HECTD4: variants seen among roughly 807,000 people sequenced by gnomAD.
HECTD4 encodes the protein probable E3 ubiquitin-protein ligase HECTD4.
Under a neutral mutation model 471.5 loss-of-function variants are expected in HECTD4, and 114 were observed. That is an observed-to-expected ratio of 0.24 (90% CI 0.21 to 0.28). The LOEUF (loss-of-function observed/expected upper bound fraction) is 0.28. Ranked by LOEUF, HECTD4 falls within the 10% of genes least tolerant of loss-of-function variation. The pLI is 1.00. For synonymous variants in HECTD4, 2,012 were observed against 2,256.0 expected (o/e 0.89, Z 3.07); for missense variants, 3,866 against 5,651.5 (o/e 0.68, Z 10.13).
At position 112,165,573 on chromosome 12, in the gene HECTD4, A is replaced by G. The variant is rs547179741; in HGVS notation, c.12535-1298T>C. ...TCACTGTGTTAGCCAGGATGGTCTC[A>G]ATCTCCTGACCTCGTGATCTGCCCA... On this transcript the variant is annotated intron_variant, in intron 72 of 75. Coordinates refer to ENST00000682272, the MANE Select transcript of HECTD4 (RefSeq NM_001388303.1). Among the ~76,000 whole-genome samples, 797 of 150,852 alleles carry G rather than the reference A, an allele frequency of 5.3e-3. 1 individual carries two copies. The highest frequency in any genetic ancestry group is 0.012 in the East Asian group (58 of 4,966).
At chr12:112,186,332 T>A (rs1473703953) in intron 60 of HECTD4, among the ~76,000 whole-genome samples, 1 of 147,582 alleles carries the variant, frequency 6.8e-6, no homozygotes, top group East Asian at 2.0e-4. Flanking sequence ...TTTAATTATT[T>A]TTTTAATAAT....
chr12:112,251,065 C>T lies in HECTD4; in HGVS notation c.3622G>A (p.Ala1208Thr). ...VDLALGLSVL[A>T]CSMLRILYNG... ...TACAGGATTCTTAACATGGAACAAG[C>T]TAACACAGACAGACCTAAAGCCAGG... Residue 1208 changes from alanine to threonine, a missense_variant, in exon 24 of 76, where the codon GCT becomes ACT. This residue lies in a region of HECTD4 where 281 missense variants were observed against 499.9 expected (regional missense o/e 0.56). Transcript: ENST00000682272. 1 of 1,614,026 alleles carries T rather than the reference C, an allele frequency of 6.2e-7. No homozygotes were observed. The highest frequency in any genetic ancestry group is 2.2e-5 in the East Asian group (1 of 44,894).
At chr12:112,236,347 C>G (rs941885770) in intron 35 of HECTD4, among the ~76,000 whole-genome samples, 5 of 152,174 alleles carry the variant, frequency 3.3e-5, no homozygotes, top group Non-Finnish European at 5.9e-5. Context: ...GTAAATAGTT[C>G]TCTTTGGAAT....
intron 1 of HECTD4, among the ~76,000 whole-genome samples, chr12:112,378,158 ACTT>A (rs982951178): frequency 6.6e-6 from 1 of 152,150 alleles, no homozygotes; most frequent in African/African-American, 2.4e-5. Flanking sequence ...ATCTCAGAGA[ACTT>A]CTTTCTAAAA....
At chr12:112,308,445 AAC>A (rs749587704) in intron 6 of HECTD4, among the ~76,000 whole-genome samples, 4 of 147,808 alleles carry the variant, frequency 2.7e-5, no homozygotes, top group East Asian at 3.3e-4. Context: ...CAAAAAAAAA[AAC>A]AAAAACAAAA....
intron 18 of HECTD4, 40 bp downstream of exon 18, chr12:112,261,265 C>T: frequency 6.7e-7 from 1 of 1,501,340 alleles, no homozygotes; most frequent in Non-Finnish European, 9.0e-7. Flanking sequence ...ACTTTTCTTC[C>T]CACAGGGCAG....
chr12:112,216,292 C>A lies in HECTD4; in HGVS notation c.7465G>T (p.Gly2489Cys). The A allele has an allele frequency of 6.5e-7, 1 of 1,545,972 alleles. No individual in the cohort carries two copies. The change falls in exon 48 of 76, where the codon GGT becomes TGT. Residue 2489 changes from glycine (G) to cysteine (C), a missense_variant and splice_region_variant. Transcript: ENST00000682272. ...SVRLDVTLSPGDVAGIGWERT... is the reference protein window; with the variant it reads ...SVRLDVTLSPCDVAGIGWERT... ...GTGGAAAAGCTCCCACTGCACTCAC[C>A]GGGGGAGAGAGTCACGTCTAAGCGA...
At chr12:112,323,717 G>T (rs971489543) in intron 1 of HECTD4, among the ~76,000 whole-genome samples, 1 of 151,850 alleles carries the variant, frequency 6.6e-6, no homozygotes, top group Non-Finnish European at 1.5e-5. Flanking sequence ...GGGGTTGAAG[G>T]AATTGTTCCC....
At chr12:112,341,523 T>C (rs758460086) in intron 1 of HECTD4, among the ~76,000 whole-genome samples, 3 of 152,150 alleles carry the variant, frequency 2.0e-5, no homozygotes, top group Non-Finnish European at 4.4e-5. Context: ...ATCTTGCCCT[T>C]CCTGTCAATT....
intron 39 of HECTD4, 84 bp downstream of exon 39, chr12:112,231,429 T>C (rs912129660): frequency 1.4e-5 from 19 of 1,327,810 alleles, no homozygotes; most frequent in African/African-American, 5.8e-5. Flanking sequence ...AAGGGGATGG[T>C]AGAAAATTAA....
Position 112,216,314 on chromosome 12 carries a change from G to A in HECTD4, c.7443C>T (p.Arg2481=), listed in dbSNP as rs1299372735. 2 of 1,554,978 alleles carry A rather than the reference G, an allele frequency of 1.3e-6. No individual in the cohort carries two copies. The highest frequency in any genetic ancestry group is 8.7e-7 in the Non-Finnish European group (1 of 1,148,554). The change falls in exon 48 of 76, where the codon CGC becomes CGT. Residue 2481 remains arginine, a synonymous_variant. Transcript: ENST00000682272. ...GSSLLQWKSV[R]LDVTLSPGDV... ...CACCGGGGGAGAGAGTCACGTCTAA[G>A]CGAACGCTCTTCCACTGTAACAAAC...
chr12:112,343,793 A>G (rs2036095406), intron 1 of HECTD4, among the ~76,000 whole-genome samples: 1 of 152,138 alleles, frequency 6.6e-6, no homozygotes. Flanking sequence ...AAAAAGTGAA[A>G]TCAACCTAAA....
At chr12:112,227,373 T>A (rs1464681596) in intron 43 of HECTD4, among the ~76,000 whole-genome samples, 1 of 151,910 alleles carries the variant, frequency 6.6e-6, no homozygotes, top group Non-Finnish European at 1.5e-5. Context: ...GGCAGGAGAA[T>A]CGCTTGAACT....
chr12:112,207,287 G>A (rs1223009417), intron 52 of HECTD4, among the ~76,000 whole-genome samples: 2 of 152,176 alleles, frequency 1.3e-5, no homozygotes, highest in East Asian at 3.8e-4. Flanking sequence ...TGGACTACAG[G>A]CGTGTGCCAC....
chr12:112,340,525 T>G (rs1020971308), intron 1 of HECTD4, among the ~76,000 whole-genome samples: 1 of 152,176 alleles, frequency 6.6e-6, no homozygotes, highest in African/African-American at 2.4e-5. Flanking sequence ...TTGTCGCAAG[T>G]ATAGACGAGC....
chr12:112,282,861 GTGA>G (rs989313779), intron 8 of HECTD4, among the ~76,000 whole-genome samples: 12 of 152,186 alleles, frequency 7.9e-5, no homozygotes, highest in African/African-American at 2.9e-4. Flanking sequence ...TATATGAATG[GTGA>G]TGATGATAAG....
At chr12:112,232,543 C>T in intron 38 of HECTD4, among the ~76,000 whole-genome samples, 1 of 152,152 alleles carries the variant, frequency 6.6e-6, no homozygotes, top group East Asian at 1.9e-4. Context: ...ACTAATCTTT[C>T]TTGACTTGTC....
intron 1 of HECTD4, among the ~76,000 whole-genome samples, chr12:112,358,148 G>A (rs2135744917): frequency 1.3e-5 from 2 of 152,274 alleles, no homozygotes; most frequent in East Asian, 3.9e-4. Context: ...AGGTTGCAAT[G>A]AGCCAACATC....
rs1716307148 is a variant in HECTD4, at chr12:112,239,699, T to C, written c.5105+182A>G. ...ACCCTAATGGCTGCATTTAGTCATG[T>C]TGGAACTCAATAATAAGAAATTTAC... On this transcript the variant is annotated intron_variant, in intron 33 of 75. Coordinates refer to ENST00000682272, the MANE Select transcript of HECTD4 (RefSeq NM_001388303.1). This position sits in a 1 kb window ranked among gnomAD's most constrained non-coding sequence, Gnocchi z 4.9. 6.6e-6 allele frequency among the ~76,000 whole-genome samples: 1 copy of C among 152,236 alleles called. No individual in the cohort carries two copies. The highest frequency in any genetic ancestry group is 1.5e-5 in the Non-Finnish European group (1 of 68,036).
Sources: gnomAD v4.1 joint callset for allele counts (sites outside exome capture counted in the v4.1 genomes callset) on GRCh38, gnomAD v4.1.1 for gene constraint, gnomAD v4.1.1 regional missense constraint, Gnocchi (gnomAD v3.1) non-coding constraint, MANE v1.5 for transcripts, NCBI Gene and HGNC (gene_info 2026-07-23, HGNC 2026-07-21) for gene names.